SAFB2: variants seen among roughly 807,000 people sequenced by gnomAD.
The protein encoded by SAFB2 is scaffold attachment factor B2.
Under a neutral mutation model 100.6 loss-of-function variants are expected in SAFB2, and 32 were observed. That is an observed-to-expected ratio of 0.32 (90% CI 0.24 to 0.43). The LOEUF is 0.43. Ranked by LOEUF, SAFB2 falls within the 20% of genes least tolerant of loss-of-function variation. SAFB2 has a pLI of 1.00. For synonymous variants in SAFB2, 500 were observed against 439.4 expected (o/e 1.14, Z -1.72); for missense variants, 1,185 against 1,163.4 (o/e 1.02, Z -0.27).
intron 4 of SAFB2, chr19:5,613,734 G>A: frequency 8.1e-6 from 8 of 985,428 alleles, no homozygotes; most frequent in Non-Finnish European, 9.6e-6. Context: ...TCTGGCAGTG[G>A]CCTGCAGGTG....
At chr19:5,595,599 C>A in intron 13 of SAFB2, 102 bp from the exon 14 acceptor site, 1 of 1,419,206 alleles carries the variant, frequency 7.0e-7, no homozygotes, top group South Asian at 1.3e-5. Flanking sequence ...TCTGGCCCCA[C>A]ATGGTGTAGA....
At chr19:5,594,301 C>T in intron 14 of SAFB2, 123 bp from the exon 15 acceptor site, 3 of 1,272,250 alleles carry the variant, frequency 2.4e-6, no homozygotes, top group Non-Finnish European at 3.1e-6. Context: ...GCTCACCGGG[C>T]TTCCCTAAAG....
chr19:5,604,721 G>A (rs1453656483), intron 10 of SAFB2, 26 bp from the exon 11 acceptor site: 2 of 1,613,898 alleles, frequency 1.2e-6, no homozygotes, highest in Non-Finnish European at 1.7e-6. Flanking sequence ...CAGAAATGAT[G>A]TGTGGCCCAG....
At chr19:5,596,315 A>G (rs901874114) in intron 13 of SAFB2, among the ~76,000 whole-genome samples, 1 of 152,200 alleles carries the variant, frequency 6.6e-6, no homozygotes, top group Admixed American at 6.6e-5. Flanking sequence ...AGTGCTCCTA[A>G]TAAGGTACAG....
At chr19:5,599,681 G>C (rs919835902) in intron 12 of SAFB2, among the ~76,000 whole-genome samples, 2 of 152,136 alleles carry the variant, frequency 1.3e-5, no homozygotes, top group Non-Finnish European at 2.9e-5. Flanking sequence ...GACAACAGAA[G>C]TGGCATCGTC....
chr19:5,588,506 G>A (rs1315029701), intron 18 of SAFB2, among the ~76,000 whole-genome samples: 2 of 152,190 alleles, frequency 1.3e-5, no homozygotes, highest in African/African-American at 2.4e-5. Context: ...ATGAACTGAT[G>A]AGCAGATAAC....
At chr19:5,596,715 C>T (rs1053285819) in intron 13 of SAFB2, among the ~76,000 whole-genome samples, 3 of 152,124 alleles carry the variant, frequency 2.0e-5, no homozygotes, top group African/African-American at 7.2e-5. Flanking sequence ...CAAGGTTCTC[C>T]AGGGCCCCTC....
intron 4 of SAFB2, 114 bp from the exon 5 acceptor site, chr19:5,613,641 T>A: frequency 3.3e-6 from 5 of 1,513,104 alleles, no homozygotes; most frequent in Admixed American, 2.1e-5. Flanking sequence ...TTTTGCCATC[T>A]GCAAGTCTAC....
chr19:5,615,595 G>T (rs929452131), intron 4 of SAFB2, among the ~76,000 whole-genome samples: 1 of 151,746 alleles, frequency 6.6e-6, no homozygotes, highest in Admixed American at 6.6e-5. Context: ...TCACTGTGTA[G>T]TCTCAGTTAT....
In SAFB2 at chr19:5,616,502, T is replaced by C. The variant is rs750694397; in HGVS notation, c.275-16A>G. 7 of 1,607,810 alleles carry C rather than the reference T, an allele frequency of 4.4e-6. No individual in the cohort carries two copies. Among genetic ancestry groups the C allele is most frequent in the African/African-American group, 1.3e-5 (1 of 74,878 alleles). Reference sequence around the variant, plus strand: ...ATCTTCAGTCCTAATTACAGAATAATTGTTCAATCAGATAACACTCAAGTT... The same window carrying C: ...ATCTTCAGTCCTAATTACAGAATAACTGTTCAATCAGATAACACTCAAGTT... On this transcript the variant is annotated splice_polypyrimidine_tract_variant and intron_variant, in intron 2 of 20. Transcript: ENST00000252542.
chr19:5,610,288 C>G, intron 8 of SAFB2, 193 bp from the exon 9 acceptor site: 1 of 602,736 alleles, frequency 1.7e-6, no homozygotes, highest in Non-Finnish European at 3.0e-6. Context: ...AGTTTCCTTA[C>G]TCAAGGAATA....
At position 5,594,181 on chromosome 19, in the gene SAFB2, G is replaced by T. The variant is rs1170189916; in HGVS notation, c.1920-3C>A. 4 of 1,586,574 alleles carry T rather than the reference G, an allele frequency of 2.5e-6. No homozygotes were observed. The highest frequency in any genetic ancestry group is 3.4e-6 in the Non-Finnish European group (4 of 1,172,872). On this transcript the variant is annotated splice_polypyrimidine_tract_variant and splice_region_variant and intron_variant, in intron 14 of 20. Coordinates refer to ENST00000252542, the MANE Select transcript of SAFB2 (RefSeq NM_014649.3). The stretch of plus-strand genomic sequence containing the variant: ...CCCGCTCCCGCTGCTCGCGCTCCCT[G>T]CGGGGACAGGTGAGGCTGCCCTGAA...
chr19:5,613,606 G>A, intron 4 of SAFB2, 79 bp from the exon 5 acceptor site: 1 of 1,567,024 alleles, frequency 6.4e-7, no homozygotes, highest in South Asian at 1.2e-5. Context: ...TAGGCAACTT[G>A]TGTGTCTATT....
chr19:5,618,288 G>A (rs1322086739), intron 2 of SAFB2, among the ~76,000 whole-genome samples: 1 of 152,206 alleles, frequency 6.6e-6, no homozygotes, highest in Non-Finnish European at 1.5e-5. Context: ...CCTGAAGCCG[G>A]GAGGCGGAGC....
At position 5,604,848 on chromosome 19, in the gene SAFB2, G is replaced by A; in HGVS notation, c.1385C>T (p.Thr462Ile). 4 of 1,614,112 alleles carry A rather than the reference G, an allele frequency of 2.5e-6. No individual in the cohort carries two copies. Among genetic ancestry groups the A allele is most frequent in the East Asian group, 4.5e-5 (2 of 44,878 alleles). Residue 462 changes from threonine (T) to isoleucine (I), a missense_variant, in exon 10 of 21, where the codon ACC becomes ATC. By Grantham distance (89) the Thr-to-Ile change is moderately conservative (BLOSUM62 -1). Coordinates refer to ENST00000252542, the MANE Select transcript of SAFB2 (RefSeq NM_014649.3). ...TCTGTGGAGATGGCTGATGCACTTG[G>A]TCGCCTCGTCAGATGTCGACATGGT... is the stretch of plus-strand genomic sequence containing the variant. ...FVTMSTSDEA[T>I]KCISHLHRTE...
chr19:5,613,315 C>G (rs913621015), intron 5 of SAFB2, 150 bp downstream of exon 5: 10 of 696,724 alleles, frequency 1.4e-5, no homozygotes, highest in Non-Finnish European at 2.4e-5. Context: ...ATGGCCAGCC[C>G]TGAGACTGTT....
At chr19:5,609,953 C>G (rs745962112) in intron 9 of SAFB2, 42 bp downstream of exon 9, 2 of 1,554,800 alleles carry the variant, frequency 1.3e-6, no homozygotes, top group East Asian at 2.3e-5. Flanking sequence ...TCCTTTTTAA[C>G]TCTGAATCAC....
chr19:5,600,151 G>A lies in SAFB2; in HGVS notation c.1669C>T (p.Arg557Trp), dbSNP rs368874349. 54 of 1,613,970 alleles carry A rather than the reference G, an allele frequency of 3.3e-5. No homozygotes were observed. The highest frequency in any genetic ancestry group is 9.9e-5 in the South Asian group (9 of 91,052). ...QDELKPGPTN[R>W]SRVTKSGSRG... ...TCACCTGATTTGGTGACTCTAGACC[G>A]ATTTGTAGGTCCGGGTTTCAGCTCA... The change falls in exon 12 of 21, where the codon CGG (arginine) becomes TGG (tryptophan). Residue 557 changes from arginine (R) to tryptophan (W), a missense_variant. Around this residue, in one of 3 missense-constraint regions of SAFB2, gnomAD observed 740 missense variants for 687.1 expected, o/e 1.08. Coordinates refer to ENST00000252542, the MANE Select transcript of SAFB2 (RefSeq NM_014649.3).
rs146495537 is a variant in SAFB2, at chr19:5,600,217, T to G, written c.1603A>C (p.Lys535Gln). 15 of 1,613,816 alleles carry G rather than the reference T, an allele frequency of 9.3e-6. No individual in the cohort carries two copies. In the South Asian group the frequency reaches 1.4e-4, roughly 15 times the overall value. The part of the protein sequence containing the change: ...KEEKIEKKEE[K>Q]KPEDIKKEEK... ...TCCTTCTTAATGTCTTCAGGCTTTT[T>G]TTCCTCCTTCTTCTCAATCTTCTCT... Residue 535 changes from lysine to glutamine, a missense_variant, in exon 12 of 21, where the codon AAA (lysine) becomes CAA (glutamine). Transcript: ENST00000252542.
Sources: gnomAD v4.1 joint callset for allele counts (sites outside exome capture counted in the v4.1 genomes callset) on GRCh38, gnomAD v4.1.1 for gene constraint, gnomAD v4.1.1 regional missense constraint, MANE v1.5 for transcripts, NCBI Gene and HGNC (gene_info 2026-07-23, HGNC 2026-07-21) for gene names.